Variants in LLGL2 observed in about 807,000 individuals in gnomAD.
LLGL2 encodes LLGL scribble cell polarity complex component 2, also known as LLGL2, scribble cell polarity complex component.
In LLGL2, 81 loss-of-function variants were observed where a neutral mutation model predicts 123.2. The observed-to-expected ratio is 0.66, with a 90% CI of 0.55 to 0.79. The LOEUF is 0.79. LLGL2 is among the 30% of genes least tolerant of loss of function. LLGL2 has a pLI of 0.00. For synonymous variants in LLGL2, 577 were observed against 594.1 expected (o/e 0.97, Z 0.42); for missense variants, 1,273 against 1,414.6 (o/e 0.90, Z 1.61).
At chr17:75,551,377 C>T (rs772318830) in intron 2 of LLGL2, among the ~76,000 whole-genome samples, 15 of 151,758 alleles carry the variant, frequency 9.9e-5, no homozygotes, top group Non-Finnish European at 1.6e-4. Flanking sequence ...CAGGGAGGCC[C>T]AGCAGCTCAT....
At chr17:75,557,803 G>A (rs918118770) in intron 3 of LLGL2, 8 of 366,100 alleles carry the variant, frequency 2.2e-5, no homozygotes, top group Middle Eastern at 9.2e-4. Flanking sequence ...CTGGGGTGCC[G>A]TGTGTTTTTT....
In LLGL2 at chr17:75,558,262, A is replaced by T. The variant is rs763363079; in HGVS notation, c.255+26A>T. On this transcript the variant is annotated intron_variant, in intron 4 of 25. Coordinates refer to ENST00000392550, the MANE Select transcript of LLGL2 (RefSeq NM_001031803.2). The surrounding 1 kb of genome is among the most constrained non-coding windows in gnomAD (Gnocchi z 4.0). Reference sequence around the variant, plus strand: ...GTGAGGGACCTGGGGTGGGACAGGAAGCCACTTCCATGCCCTCCTTGCCTT... The same window carrying T: ...GTGAGGGACCTGGGGTGGGACAGGATGCCACTTCCATGCCCTCCTTGCCTT... The T allele has an allele frequency of 1.9e-6, 3 of 1,596,540 alleles. No homozygotes were observed. The South Asian group carries it at 3.3e-5, about 18-fold the overall frequency.
Position 75,573,080 on chromosome 17 carries a change from G to T in LLGL2, c.2527G>T (p.Val843Leu). The T allele has an allele frequency of 6.2e-7, 1 of 1,612,774 alleles. No homozygotes were observed. Residue 843 changes from valine (V) to leucine (L), a missense_variant, in exon 20 of 26, where the codon GTG becomes TTG. By Grantham distance (32) the Val-to-Leu change is conservative. Transcript: ENST00000392550. The stretch of plus-strand genomic sequence containing the variant: ...GCTGACGGCCCTGGAGGGCTCAAGA[G>T]TGCGGCGGGTCAGCGTGGCCCACTT... The part of the protein sequence containing the change: ...LKLTALEGSR[V>L]RRVSVAHFGS...
chr17:75,530,188 C>T (rs2053724064), intron 1 of LLGL2, among the ~76,000 whole-genome samples: 4 of 152,088 alleles, frequency 2.6e-5, no homozygotes, highest in East Asian at 1.9e-4. Context: ...AATCAGCTGA[C>T]GGCTCATGAA....
chr17:75,558,855 A>C lies in LLGL2; in HGVS notation c.371+228A>C. The C allele has an allele frequency of 2.5e-5, 7 of 276,556 alleles. No individual in the cohort carries two copies. The highest frequency in any genetic ancestry group is 4.0e-5 in the Non-Finnish European group (6 of 150,972). 17.1% of individuals were successfully genotyped at this position (276,556 alleles called of 1,614,324 possible). A position where few individuals can be genotyped will look rare whatever the true frequency, so the allele number is the denominator to read the frequency against. On this transcript the variant is annotated intron_variant, in intron 5 of 25. Coordinates refer to ENST00000392550, the MANE Select transcript of LLGL2 (RefSeq NM_001031803.2). The surrounding 1 kb of genome is among the most constrained non-coding windows in gnomAD (Gnocchi z 4.0). ...CCTCCATCCGCACCCCACCTCCTCC[A>C]TCCGCACCCCGCCTCCTCCATCCGC...
At chr17:75,571,159 C>A in intron 17 of LLGL2, 59 bp downstream of exon 17, 1 of 1,494,302 alleles carries the variant, frequency 6.7e-7, no homozygotes, top group Non-Finnish European at 9.1e-7. Flanking sequence ...CACCCCCTGA[C>A]CTGGGGGCAT....
chr17:75,557,773 G>C (rs2054982270), intron 3 of LLGL2: 1 of 353,328 alleles, frequency 2.8e-6, no homozygotes, highest in Admixed American at 3.8e-5. Context: ...AATGGGCCAA[G>C]GCTGTTGGTG....
At chr17:75,545,113 CT>C (rs2054366577) in intron 2 of LLGL2, among the ~76,000 whole-genome samples, 1 of 152,022 alleles carries the variant, frequency 6.6e-6, no homozygotes, top group African/African-American at 2.4e-5. Flanking sequence ...GAACACCCCC[CT>C]ACCCCTGCCC....
At chr17:75,562,754 G>C in intron 6 of LLGL2, 2 of 501,070 alleles carry the variant, frequency 4.0e-6, no homozygotes, top group South Asian at 4.8e-5. Context: ...ATTTTTAGTA[G>C]AGACAGGGTT....
Position 75,572,920 on chromosome 17 carries a change from G to A in LLGL2, c.2461-94G>A, listed in dbSNP as rs539208239. The A allele has an allele frequency of 3.0e-5, 43 of 1,439,904 alleles. No individual in the cohort carries two copies. The Admixed American group carries it at 8.7e-4, about 29-fold the overall frequency. 89.2% of individuals were successfully genotyped at this position (1,439,904 alleles called of 1,614,324 possible). A position where few individuals can be genotyped will look rare whatever the true frequency, so the allele number is the denominator to read the frequency against. On this transcript the variant is annotated intron_variant, in intron 19 of 25. Transcript: ENST00000392550. ...GAGCCAAGGGTTTGTCAGGACACCG[G>A]GAGGCATGTGGGGAGGGGAGGGCCC...
In LLGL2 at chr17:75,564,431, T is replaced by C; in HGVS notation, c.960T>C (p.Asp320=). 1.2e-6 allele frequency: 2 copies of C among 1,613,512 alleles called. No homozygotes were observed. Among genetic ancestry groups the C allele is most frequent in the Non-Finnish European group, 1.7e-6 (2 of 1,179,994 alleles). ...GDRHCISVIH[D]GQQTAFDFTS... is the part of the protein sequence containing the mutation. ...GCCACTGCATCTCAGTGATCCACGA[T>C]GGCCAGCAGACGGCCTTCGACTTCA... Residue 320 remains aspartate, a synonymous_variant, in exon 10 of 26, where the codon GAT becomes GAC. Transcript: ENST00000392550. The surrounding 1 kb of genome is among the most constrained non-coding windows in gnomAD (Gnocchi z 4.9).
chr17:75,558,414 CA>C lies in LLGL2; in HGVS notation c.256-97del. ...GCTCATGGGCCACCCTGGGAGTGGC[CA>C]GGGGGTCTTTTAAACAACTGGGGCT... On this transcript the variant is annotated intron_variant, in intron 4 of 25. Transcript: ENST00000392550. This position sits in a 1 kb window ranked among gnomAD's most constrained non-coding sequence, Gnocchi z 4.0. 8.3e-7 allele frequency: 1 copy of C among 1,204,752 alleles called. No homozygotes were observed. The highest frequency in any genetic ancestry group is 1.4e-5 in the South Asian group (1 of 71,192). The allele number at this position is 1,204,752 out of a possible 1,614,324, so 74.6% of individuals were successfully genotyped here.
chr17:75,543,398 T>G lies in LLGL2; in HGVS notation c.-29T>G. On this transcript the variant is annotated splice_region_variant and 5_prime_UTR_variant, in exon 2 of 26. Transcript: ENST00000392550. The stretch of plus-strand genomic sequence containing the variant: ...CTGCAGCTCCTTCTGTTTCTCCAGG[T>G]CTCCAGTGGGGGCTGCAGACTAAGC... The G allele has an allele frequency of 1.9e-6, 3 of 1,587,510 alleles. No individual in the cohort carries two copies. The South Asian group carries it at 3.4e-5, about 18-fold the overall frequency.
chr17:75,538,522 A>G (rs1291201732), intron 1 of LLGL2: 1 of 152,180 alleles, frequency 6.6e-6, no homozygotes, highest in Non-Finnish European at 1.5e-5. Flanking sequence ...TCATTCATTC[A>G]TTCAACAGAT....
In LLGL2 at chr17:75,568,447, C is replaced by T. The variant is rs578012356; in HGVS notation, c.1037-29C>T. On this transcript the variant is annotated intron_variant, in intron 10 of 25. Transcript: ENST00000392550. ...GAGCTGGGCTGCTTCCTCCTGGCCC[C>T]GGCCCCTGACCCTTGCCCTGTACCC... The T allele has an allele frequency of 3.5e-4, 568 of 1,603,858 alleles. 9 individuals carry two copies. The South Asian group carries it at 5.8e-3, about 16-fold the overall frequency.
At chr17:75,542,555 C>T (rs1353517965) in intron 1 of LLGL2, 1 of 152,242 alleles carries the variant, frequency 6.6e-6, no homozygotes, top group African/African-American at 2.4e-5. Context: ...AATGGTTTCC[C>T]CTTGGGCTGG....
At position 75,563,351 on chromosome 17, in the gene LLGL2, G is replaced by T. The variant is rs1425413123; in HGVS notation, c.714G>T (p.Trp238Cys). ...LSSQQLENIW[W>C]QRDGRLLVSC... ...CATAGCAACTGGAGAACATCTGGTG[G>T]CAGCGGGACGGCCGCCTGCTCGTCA... The change falls in exon 8 of 26, where the codon TGG (tryptophan) becomes TGT (cysteine). Residue 238 changes from tryptophan (W) to cysteine (C), a missense_variant. By Grantham distance (215) the Trp-to-Cys change is radical. Coordinates refer to ENST00000392550, the MANE Select transcript of LLGL2 (RefSeq NM_001031803.2). 1 of 1,612,714 alleles carries T rather than the reference G, an allele frequency of 6.2e-7. No homozygotes were observed. The highest frequency in any genetic ancestry group is 8.5e-7 in the Non-Finnish European group (1 of 1,179,922).
chr17:75,558,577 G>A lies in LLGL2; in HGVS notation c.321G>A (p.Gly107=), dbSNP rs1265879957. ...LHLWSLKVKG[G]ASELQEDESF... ...TTTGGAGCCTGAAGGTCAAGGGCGGGGCATCGGAGCTGCAGGAGGATGAGA... is the reference window on the plus strand; with the variant it reads ...TTTGGAGCCTGAAGGTCAAGGGCGGAGCATCGGAGCTGCAGGAGGATGAGA... The change falls in exon 5 of 26, where the codon GGG becomes GGA. Residue 107 remains glycine (G), a synonymous_variant. Coordinates refer to ENST00000392550, the MANE Select transcript of LLGL2 (RefSeq NM_001031803.2). The surrounding 1 kb of genome is among the most constrained non-coding windows in gnomAD (Gnocchi z 4.0). 6.2e-7 allele frequency: 1 copy of A among 1,611,680 alleles called. No homozygotes were observed. Among genetic ancestry groups the A allele is most frequent in the African/African-American group, 1.3e-5 (1 of 74,836 alleles).
chr17:75,545,954 T>A (rs1462070523), intron 2 of LLGL2, among the ~76,000 whole-genome samples: 3 of 152,146 alleles, frequency 2.0e-5, no homozygotes, highest in Admixed American at 2.0e-4. Flanking sequence ...GCAGTGTCCC[T>A]AGTCCTACCC....
Sources: allele counts gnomAD v4.1 joint callset (sites outside exome capture counted in the v4.1 genomes callset), GRCh38; gene constraint gnomAD v4.1.1; non-coding constraint Gnocchi (gnomAD v3.1); transcripts MANE v1.5; gene names NCBI Gene and HGNC (gene_info 2026-07-23, HGNC 2026-07-21).